Variants in EHD2 observed in about 807,000 individuals in gnomAD.
The protein encoded by EHD2 is EH domain containing 2.
EHD2 carries 27 observed loss-of-function variants against 41.0 expected under a neutral mutation model. The observed-to-expected ratio is 0.66, with a 90% CI of 0.49 to 0.91. The LOEUF (loss-of-function observed/expected upper bound fraction) is 0.91, where lower values mean the gene tolerates loss of function less well. Ranked by LOEUF, EHD2 falls within the 40% of genes least tolerant of loss-of-function variation. The probability of loss-of-function intolerance (pLI) is 0.00; values close to 1 mark genes in which losing one functional copy is unlikely to be tolerated. For missense variants in EHD2, 673 were observed against 773.9 expected, an observed-to-expected ratio of 0.87 and a Z score of 1.55; for synonymous variants, 342 against 341.0, an observed-to-expected ratio of 1.00 and a Z score of -0.03.
intron 1 of EHD2, 72 bp from the exon 2 acceptor site, chr19:47,716,486 A>C: frequency 9.6e-7 from 1 of 1,041,462 alleles, no homozygotes; most frequent in Non-Finnish European, 1.3e-6. Context: ...TCACCCAGAC[A>C]GTCTACACTC....
intron 3 of EHD2, 35 bp downstream of exon 3, chr19:47,718,641 A>G: frequency 6.6e-7 from 1 of 1,521,278 alleles, no homozygotes; most frequent in Non-Finnish European, 8.9e-7. Context: ...CTGAGGGAGG[A>G]GGGGCTGGGG....
At chr19:47,713,702 C>CCCCACTCTT (rs895790937) in intron 1 of EHD2, among the ~76,000 whole-genome samples, 164 bp downstream of exon 1, 1 of 149,842 alleles carries the variant, frequency 6.7e-6, no homozygotes, top group African/African-American at 2.5e-5. Flanking sequence ...TAACCATGTC[C>CCCCACTCTT]CCCACTCTTC....
At chr19:47,722,673 C>T (rs574839344) in intron 3 of EHD2, among the ~76,000 whole-genome samples, 7 of 151,904 alleles carry the variant, frequency 4.6e-5, no homozygotes, top group African/African-American at 4.8e-5. Context: ...TCAAGTGATT[C>T]TCCTGCCTCA....
chr19:47,730,968 T>C (rs1973801085), intron 4 of EHD2, among the ~76,000 whole-genome samples: 1 of 151,438 alleles, frequency 6.6e-6, no homozygotes, highest in Admixed American at 6.6e-5. Context: ...AACAAATCAA[T>C]GGTTATGAAG....
chr19:47,716,918 CG>C lies in EHD2; in HGVS notation c.310del (p.Asp104ThrfsTer62). ...CCGACTGCTTTGTGGCCGTCATGCA[CG>C]GGGACACTGAGGGCACCGTGCCCGG... ...TTDCFVAVMHGDTEGTVPGNA... is the reference protein window; with the variant it reads ...TTDCFVAVMHXDTEGTVPGNA... On this transcript the variant is annotated frameshift_variant, in exon 2 of 6. Coordinates refer to ENST00000263277, the MANE Select transcript of EHD2 (RefSeq NM_014601.4). LOFTEE classifies it high-confidence loss of function. The C allele has an allele frequency of 6.2e-7, 1 of 1,611,416 alleles. No individual in the cohort carries two copies. Among genetic ancestry groups the C allele is most frequent in the Non-Finnish European group, 8.5e-7 (1 of 1,179,944 alleles).
chr19:47,738,653 T>A lies in EHD2; in HGVS notation c.1080+2120T>A, dbSNP rs1001194987. On this transcript the variant is annotated intron_variant, in intron 5 of 5. Transcript: ENST00000263277. ...AAGCACATGTGGCTAGTGGCTGCCATACTGGACAGGCTAACAGTAGAAGCT... is the reference window on the plus strand; with the variant it reads ...AAGCACATGTGGCTAGTGGCTGCCAAACTGGACAGGCTAACAGTAGAAGCT... Among the ~76,000 whole-genome samples the A allele has an allele frequency of 4.1e-4, 63 of 152,220 alleles. 1 individual carries two copies. The highest frequency in any genetic ancestry group is 8.4e-4 in the Non-Finnish European group (57 of 68,038).
intron 1 of EHD2, among the ~76,000 whole-genome samples, chr19:47,713,755 G>T (rs887205289): frequency 6.9e-6 from 1 of 144,396 alleles, no homozygotes; most frequent in African/African-American, 2.6e-5. Context: ...CCAGTCTTTC[G>T]CAGCCTCTCA....
chr19:47,736,490 AT>A lies in EHD2; in HGVS notation c.1038del (p.His347ThrfsTer17), dbSNP rs755749398. 6.2e-7 allele frequency: 1 copy of A among 1,612,212 alleles called. No individual in the cohort carries two copies. Among genetic ancestry groups the A allele is most frequent in the Admixed American group, 1.7e-5 (1 of 59,750 alleles). ...ATCTTTGCGAAGATTCAGCTGGAAC[AT>A]CACATCTCCCCTGGGGACTTTCCTG... Reference protein sequence around the residue: ...PVIFAKIQLEHHISPGDFPDC... With the variant: ...PVIFAKIQLEXHISPGDFPDC... On this transcript the variant is annotated frameshift_variant, in exon 5 of 6. Transcript: ENST00000263277. LOFTEE classifies it high-confidence loss of function.
rs1017222973 is a variant in EHD2 at position 47,719,465 on chromosome 19, G to A, written c.502+859G>A. 1.8e-4 allele frequency among the ~76,000 whole-genome samples: 27 copies of A among 152,098 alleles called. No individual in the cohort carries two copies. The highest frequency in any genetic ancestry group is 2.9e-5 in the Non-Finnish European group (2 of 67,976). Reference sequence around the variant, plus strand: ...GATTCCAGCCGGGGCCTCCGGGCGTGCTGAGCCCTCACCACCCCTGCCCAG... The same window carrying A: ...GATTCCAGCCGGGGCCTCCGGGCGTACTGAGCCCTCACCACCCCTGCCCAG... On this transcript the variant is annotated intron_variant, in intron 3 of 5. Transcript: ENST00000263277. This position sits in a 1 kb window ranked among gnomAD's most constrained non-coding sequence, Gnocchi z 4.1.
chr19:47,736,361 T>A lies in EHD2; in HGVS notation c.916-8T>A. On this transcript the variant is annotated splice_polypyrimidine_tract_variant and splice_region_variant and intron_variant, in intron 4 of 5. Transcript: ENST00000263277. ...TGATGCAGGCTGAGGTGAGAACCCT[T>A]CCCACAGGTTCACGCTTACATCATC... The A allele has an allele frequency of 6.2e-7, 1 of 1,610,684 alleles. No individual in the cohort carries two copies. The highest frequency in any genetic ancestry group is 8.5e-7 in the Non-Finnish European group (1 of 1,178,762).
In EHD2 at chr19:47,726,016, T is replaced by C. The variant is rs1973747694; in HGVS notation, c.707T>C (p.Leu236Pro). Reference protein sequence around the residue: ...TQQLMRVYGALMWALGKVVGT... With the variant: ...TQQLMRVYGAPMWALGKVVGT... ...CAGCTGATGCGCGTCTACGGCGCGC[T>C]CATGTGGGCGCTGGGCAAGGTGGTG... is the stretch of plus-strand genomic sequence containing the variant. The change falls in exon 4 of 6, where the codon CTC (leucine) becomes CCC (proline). Residue 236 changes from leucine to proline, a missense_variant. Leu to Pro is a moderately conservative substitution (Grantham distance 98, BLOSUM62 -3). Coordinates refer to ENST00000263277, the MANE Select transcript of EHD2 (RefSeq NM_014601.4). The C allele has an allele frequency of 6.2e-7, 1 of 1,602,192 alleles. No homozygotes were observed. The highest frequency in any genetic ancestry group is 1.3e-5 in the African/African-American group (1 of 74,652).
chr19:47,717,616 A>T (rs546560601), intron 2 of EHD2, among the ~76,000 whole-genome samples: 1 of 152,048 alleles, frequency 6.6e-6, no homozygotes, highest in Non-Finnish European at 1.5e-5. Context: ...ATGTGGATCA[A>T]TCACCTTGGG....
chr19:47,713,952 GCT>G (rs1156308869), intron 1 of EHD2, among the ~76,000 whole-genome samples: 1 of 151,740 alleles, frequency 6.6e-6, no homozygotes, highest in African/African-American at 2.4e-5. Flanking sequence ...ATTCTCCCCA[GCT>G]CTCTCTCAGG....
chr19:47,718,751 G>A (rs540078788), intron 3 of EHD2, 145 bp downstream of exon 3: 68 of 668,296 alleles, frequency 1.0e-4, no homozygotes, highest in South Asian at 5.8e-4. Flanking sequence ...AGGGAGGAGG[G>A]GCTGGGGTCT....
intron 4 of EHD2, chr19:47,731,279 A>AAAATATATATATATGT: frequency 3.3e-5 from 2 of 60,934 alleles, no homozygotes; most frequent in African/African-American, 9.8e-5. Flanking sequence ...AAAAAAAAAA[A>AAAATATATATATATGT]ATATATATAT....
rs1205907026 is a variant in EHD2, at chr19:47,726,204, A to T, written c.895A>T (p.Lys299Ter). Residue 299 changes from lysine (K) to a stop codon, truncating the protein, a stop_gained, in exon 4 of 6, where the codon AAG becomes TAG. Transcript: ENST00000263277. LOFTEE classifies it high-confidence loss of function. ...AALRKLNDLV[K>*]RARLVRVHAY... ...CTTGCGCAAGCTCAACGACCTGGTG[A>T]AGAGGGCCCGGCTGGTGCGAGTGAG... The T allele has an allele frequency of 1.3e-6, 2 of 1,535,286 alleles. No individual in the cohort carries two copies. The highest frequency in any genetic ancestry group is 2.7e-5 in the African/African-American group (2 of 73,014).
Position 47,731,303 on chromosome 19 carries a change from C to CATATATATATATATAT in EHD2, c.916-5055_916-5054insTATATATATATATATA, listed in dbSNP as rs1169433614. 71 of 58,430 alleles carry CATATATATATATATAT rather than the reference C, an allele frequency of 1.2e-3. 1 individual carries two copies. Among genetic ancestry groups the CATATATATATATATAT allele is most frequent in the African/African-American group, 2.8e-3 (62 of 21,794 alleles). 3.6% of individuals were successfully genotyped at this position (58,430 alleles called of 1,614,324 possible). ...AAATATATATATATATATATATATA[C>CATATATATATATATAT]ATATATATATAATTTTTTTTTTTTT... On this transcript the variant is annotated intron_variant, in intron 4 of 5. Transcript: ENST00000263277.
intron 4 of EHD2, among the ~76,000 whole-genome samples, chr19:47,736,160 C>T (rs1213977955): frequency 1.3e-5 from 2 of 152,180 alleles, no homozygotes; most frequent in Non-Finnish European, 2.9e-5. Context: ...TGTGCTACTG[C>T]ACTCCAGCCT....
rs201572396 is a variant in EHD2, at chr19:47,722,009, AACACACACACACACACACACACACACAC to A, written c.502+3424_502+3451del. Among the ~76,000 whole-genome samples, 31 of 130,738 alleles carry A rather than the reference AACACACACACACACACACACACACACAC, an allele frequency of 2.4e-4. No homozygotes were observed. The South Asian group carries it at 5.5e-3, about 23-fold the overall frequency. The allele number at this position is 130,738 out of a possible 152,430, so 85.8% of individuals were successfully genotyped here. On this transcript the variant is annotated intron_variant, in intron 3 of 5. Coordinates refer to ENST00000263277, the MANE Select transcript of EHD2 (RefSeq NM_014601.4). Reference sequence around the variant, plus strand: ...CAAAAATAAACAAACAGAAAAACAAAACACACACACACACACACACACACACACACACACACACACACACACACTGGGA... The same window carrying A: ...CAAAAATAAACAAACAGAAAAACAAAACACACACACACACACACACTGGGA...
Sources: gnomAD v4.1 joint callset for allele counts (sites outside exome capture counted in the v4.1 genomes callset) on GRCh38, gnomAD v4.1.1 for gene constraint, Gnocchi (gnomAD v3.1) non-coding constraint, MANE v1.5 for transcripts, NCBI Gene and HGNC (gene_info 2026-07-23, HGNC 2026-07-21) for gene names.